Variants in KCND3 observed in about 807,000 individuals in gnomAD.
KCND3 encodes the protein potassium voltage-gated channel subfamily D member 3.
KCND3 carries 9 observed loss-of-function variants against 51.1 expected under a neutral mutation model. That is an observed-to-expected ratio of 0.18 (90% CI 0.11 to 0.31). KCND3 has a LOEUF of 0.31. KCND3 is among the 10% of genes least tolerant of loss of function. The pLI, the probability that KCND3 is intolerant of heterozygous loss-of-function variation, is 1.00. For synonymous variants in KCND3, 349 were observed against 368.0 expected (o/e 0.95, Z 0.59); for missense variants, 526 against 903.8 (o/e 0.58, Z 5.36).
chr1:111,984,953 C>G (rs892716347), intron 1 of KCND3, among the ~76,000 whole-genome samples: 1 of 152,162 alleles, frequency 6.6e-6, no homozygotes, highest in Non-Finnish European at 1.5e-5. Context: ...CCTATCACCC[C>G]GCAGCTAGGA....
intron 2 of KCND3, among the ~76,000 whole-genome samples, chr1:111,900,497 A>C (rs1306582192): frequency 6.6e-6 from 1 of 152,214 alleles, no homozygotes; most frequent in Non-Finnish European, 1.5e-5. Context: ...TGTGAAAACA[A>C]TTAGATGAAT....
At chr1:111,900,258 A>G (rs1008180623) in intron 2 of KCND3, among the ~76,000 whole-genome samples, 1 of 152,136 alleles carries the variant, frequency 6.6e-6, no homozygotes, top group African/African-American at 2.4e-5. Context: ...CCCTCTGGAA[A>G]GCCCCAGTGA....
At chr1:111,812,996 G>C (rs1665925921) in intron 2 of KCND3, among the ~76,000 whole-genome samples, 2 of 152,204 alleles carry the variant, frequency 1.3e-5, no homozygotes, top group Non-Finnish European at 2.9e-5. Context: ...AGGCTCCAAA[G>C]TCAAGTAGTG....
intron 2 of KCND3, among the ~76,000 whole-genome samples, chr1:111,829,171 C>T (rs543103331): frequency 1.3e-4 from 20 of 152,250 alleles, no homozygotes; most frequent in African/African-American, 2.6e-4. Context: ...CTAAAGAGGA[C>T]GAACAATTAT....
In KCND3 at chr1:111,931,139, G is replaced by A. The variant is rs117502158; in HGVS notation, c.1106+50482C>T. 4.1e-4 allele frequency among the ~76,000 whole-genome samples: 62 copies of A among 152,302 alleles called. No homozygotes were observed. In the East Asian group the frequency reaches 7.3e-3, roughly 18 times the overall value. ...GAGAGGGATGTAAGAAAGCACACAGGCATCTTGCTCATCTGTGCAAAAGAA... is the reference window on the plus strand; with the variant it reads ...GAGAGGGATGTAAGAAAGCACACAGACATCTTGCTCATCTGTGCAAAAGAA... On this transcript the variant is annotated intron_variant, in intron 2 of 7. Transcript: ENST00000302127.
At chr1:111,979,202 C>T (rs1674806706) in intron 2 of KCND3, among the ~76,000 whole-genome samples, 1 of 152,168 alleles carries the variant, frequency 6.6e-6, no homozygotes, top group Admixed American at 6.5e-5. Context: ...TCCTTTCACC[C>T]TCCAGCAGAA....
intron 2 of KCND3, among the ~76,000 whole-genome samples, chr1:111,937,696 C>T (rs991838104): frequency 2.0e-5 from 3 of 152,156 alleles, no homozygotes; most frequent in African/African-American, 7.2e-5. Flanking sequence ...ACTTCCTGGC[C>T]ACTCAGTCTC....
intron 2 of KCND3, among the ~76,000 whole-genome samples, chr1:111,974,978 T>C (rs1674546808): frequency 6.6e-6 from 1 of 152,216 alleles, no homozygotes; most frequent in East Asian, 1.9e-4. Flanking sequence ...ATGGTGTGAA[T>C]TAATCTTTCC....
chr1:111,929,774 C>T (rs1671874990), intron 2 of KCND3, among the ~76,000 whole-genome samples: 1 of 152,190 alleles, frequency 6.6e-6, no homozygotes, highest in Non-Finnish European at 1.5e-5. Flanking sequence ...CTGCCTGTCC[C>T]CTCCCCCAGC....
chr1:111,877,498 A>C (rs1251524281), intron 2 of KCND3, among the ~76,000 whole-genome samples: 2 of 152,180 alleles, frequency 1.3e-5, no homozygotes, highest in East Asian at 3.9e-4. Flanking sequence ...ACATGGCCAT[A>C]TCAGTGAGGA....
rs1411713081 is a variant in KCND3 at position 111,783,420 on chromosome 1, G to GT, written c.1270-2630dup. ...TTTCAACAAATGTGGAGACTCCAGG[G>GT]TTGGAGGAGAGGGGATCTGGAAGGA... On this transcript the variant is annotated intron_variant, in intron 3 of 7. Transcript: ENST00000302127. Among the ~76,000 whole-genome samples, 9 of 152,176 alleles carry GT rather than the reference G, an allele frequency of 5.9e-5. No individual in the cohort carries two copies. In the East Asian group the frequency reaches 1.5e-3, roughly 26 times the overall value.
intron 2 of KCND3, among the ~76,000 whole-genome samples, chr1:111,803,511 G>A (rs1665417770): frequency 6.6e-6 from 1 of 152,100 alleles, no homozygotes; most frequent in South Asian, 2.1e-4. Context: ...CAGACACCAA[G>A]CCCCCACATG....
At chr1:111,861,091 G>T (rs1668317592) in intron 2 of KCND3, among the ~76,000 whole-genome samples, 1 of 152,142 alleles carries the variant, frequency 6.6e-6, no homozygotes, top group Admixed American at 6.5e-5. Flanking sequence ...GCTTCATGGG[G>T]TCAACTCACC....
chr1:111,845,716 T>C (rs1246194331), intron 2 of KCND3, among the ~76,000 whole-genome samples: 1 of 152,172 alleles, frequency 6.6e-6, no homozygotes, highest in East Asian at 1.9e-4. Context: ...ATCTTATTCA[T>C]AGACAAACAG....
At chr1:111,972,676 G>C (rs1674407490) in intron 2 of KCND3, among the ~76,000 whole-genome samples, 1 of 152,138 alleles carries the variant, frequency 6.6e-6, no homozygotes, top group Admixed American at 6.5e-5. Context: ...CTGTACTCCT[G>C]ATCTTTTCAG....
intron 3 of KCND3, among the ~76,000 whole-genome samples, chr1:111,783,029 C>A (rs1664450844): frequency 6.6e-6 from 1 of 151,996 alleles, no homozygotes; most frequent in Admixed American, 6.6e-5. Flanking sequence ...TTTATGATGG[C>A]CGAGGAAGGA....
At chr1:111,928,831 C>T (rs1253746988) in intron 2 of KCND3, among the ~76,000 whole-genome samples, 1 of 152,202 alleles carries the variant, frequency 6.6e-6, no homozygotes, top group East Asian at 1.9e-4. Flanking sequence ...GACAGAATCC[C>T]ACCTCCTGCC....
chr1:111,787,182 T>G, intron 2 of KCND3, 76 bp from the exon 3 acceptor site: 2 of 1,424,944 alleles, frequency 1.4e-6, no homozygotes, highest in Non-Finnish European at 2.0e-6. Context: ...CTGCCAATCA[T>G]TCACCTGTTT....
At chr1:111,896,162 C>A (rs966051936) in intron 2 of KCND3, among the ~76,000 whole-genome samples, 1 of 152,156 alleles carries the variant, frequency 6.6e-6, no homozygotes, top group African/African-American at 2.4e-5. Flanking sequence ...GCGGAGGGAC[C>A]TCCCCGAGAA....
Sources: allele counts gnomAD v4.1 joint callset (sites outside exome capture counted in the v4.1 genomes callset), GRCh38; gene constraint gnomAD v4.1.1; transcripts MANE v1.5; gene names NCBI Gene and HGNC (gene_info 2026-07-23, HGNC 2026-07-21).